ZDHHC13: variants seen among roughly 807,000 people sequenced by gnomAD.
ZDHHC13 encodes the protein palmitoyltransferase ZDHHC13.
In ZDHHC13, 85 loss-of-function variants were observed where a neutral mutation model predicts 86.0. That is an observed-to-expected ratio of 0.99 (90% confidence interval 0.83 to 1.18). ZDHHC13 has a LOEUF of 1.18. ZDHHC13 is among the 50% of genes most tolerant of loss of function. ZDHHC13 has a pLI of 0.00. For synonymous variants in ZDHHC13, 263 were observed against 246.4 expected (o/e 1.07, Z -0.63); for missense variants, 711 against 730.2 (o/e 0.97, Z 0.30).
chr11:19,158,756 TGGG>T (rs910248199), intron 9 of ZDHHC13, among the ~76,000 whole-genome samples, 181 bp from the exon 10 acceptor site: 2 of 152,012 alleles, frequency 1.3e-5, no homozygotes, highest in African/African-American at 4.8e-5. Flanking sequence ...CTGTGTAAAA[TGGG>T]GGGATGATGT....
At chr11:19,142,252 G>C (rs142650679) in intron 1 of ZDHHC13, among the ~76,000 whole-genome samples, 37 of 152,264 alleles carry the variant, frequency 2.4e-4, no homozygotes, top group African/African-American at 8.4e-4. Context: ...TTTCACTCCT[G>C]AAGACTGCCC....
chr11:19,160,905 A>G (rs1029631079), intron 10 of ZDHHC13, among the ~76,000 whole-genome samples: 4 of 151,848 alleles, frequency 2.6e-5, no homozygotes, highest in Admixed American at 2.0e-4. Flanking sequence ...AACAAAAGAG[A>G]ACTGATTTCC....
intron 6 of ZDHHC13, among the ~76,000 whole-genome samples, chr11:19,151,098 C>G (rs1237353323): frequency 6.6e-6 from 1 of 151,842 alleles, no homozygotes. Context: ...GTATTTCTTC[C>G]TTTGGCTTTA....
intron 1 of ZDHHC13, among the ~76,000 whole-genome samples, chr11:19,123,396 A>G (rs1019206266): frequency 1.3e-5 from 2 of 152,020 alleles, no homozygotes; most frequent in African/African-American, 4.8e-5. Context: ...GGAGGCCAAG[A>G]CGGAAGGATA....
chr11:19,166,483 T>A (rs1850073147), intron 14 of ZDHHC13, 98 bp downstream of exon 14: 1 of 915,052 alleles, frequency 1.1e-6, no homozygotes, highest in Non-Finnish European at 1.6e-6. Context: ...TGGGTGACTA[T>A]AAACCATACT....
At chr11:19,141,073 A>T (rs937571351) in intron 1 of ZDHHC13, among the ~76,000 whole-genome samples, 1 of 144,514 alleles carries the variant, frequency 6.9e-6, no homozygotes, top group African/African-American at 2.5e-5. Context: ...GTATAATAAT[A>T]AAAAAAAAAA....
chr11:19,175,844 G>A lies in ZDHHC13; in HGVS notation c.1753G>A (p.Ala585Thr), dbSNP rs201789423. Reference sequence around the variant, plus strand: ...CAGTCTTGGATTCATGCAGAACCTGGCAGATTTCTTTCAGTGTGGCTGCTT... The same window carrying A: ...CAGTCTTGGATTCATGCAGAACCTGACAGATTTCTTTCAGTGTGGCTGCTT... ...PYNLGFMQNL[A>T]DFFQCGCFGL... The change falls in exon 17 of 17, where the codon GCA becomes ACA. Residue 585 changes from alanine (A) to threonine (T), a missense_variant. By Grantham distance (58) the Ala-to-Thr change is moderately conservative. Transcript: ENST00000446113. 30 of 1,613,296 alleles carry A rather than the reference G, an allele frequency of 1.9e-5. No individual in the cohort carries two copies. In the East Asian group the frequency reaches 6.7e-4, roughly 36 times the overall value.
chr11:19,151,210 T>C (rs1183530372), intron 6 of ZDHHC13, among the ~76,000 whole-genome samples: 1 of 152,098 alleles, frequency 6.6e-6, no homozygotes. Context: ...ACATCATTCT[T>C]GACTACTTTG....
intron 1 of ZDHHC13, among the ~76,000 whole-genome samples, chr11:19,126,493 C>T (rs1322788862): frequency 2.0e-5 from 3 of 149,296 alleles, no homozygotes; most frequent in South Asian, 2.1e-4. Flanking sequence ...CATACCACCA[C>T]CCTGGCTAAT....
intron 10 of ZDHHC13, among the ~76,000 whole-genome samples, chr11:19,160,834 A>G (rs1308378300): frequency 2.4e-4 from 37 of 151,878 alleles, no homozygotes; most frequent in Admixed American, 2.4e-3. Context: ...TTTTTGTTTT[A>G]ATCTCAGACT....
chr11:19,141,349 T>C (rs1287673120), intron 1 of ZDHHC13, among the ~76,000 whole-genome samples: 1 of 152,170 alleles, frequency 6.6e-6, no homozygotes, highest in African/African-American at 2.4e-5. Context: ...GTATTTGTGC[T>C]TTTAGGAAAC....
At chr11:19,142,044 A>G (rs928571488) in intron 1 of ZDHHC13, among the ~76,000 whole-genome samples, 2 of 152,100 alleles carry the variant, frequency 1.3e-5, no homozygotes, top group East Asian at 1.9e-4. Context: ...CGTAACACCT[A>G]TTTATTATGT....
intron 1 of ZDHHC13, among the ~76,000 whole-genome samples, chr11:19,129,913 A>G (rs1235713197): frequency 6.6e-6 from 1 of 152,136 alleles, no homozygotes. Context: ...TAACACGGTG[A>G]AACCCTGTCT....
chr11:19,149,115 G>A, intron 4 of ZDHHC13, 72 bp from the exon 5 acceptor site: 1 of 1,295,034 alleles, frequency 7.7e-7, no homozygotes, highest in Non-Finnish European at 1.0e-6. Flanking sequence ...CATGTCTTAG[G>A]AATATCAGTC....
intron 1 of ZDHHC13, among the ~76,000 whole-genome samples, chr11:19,131,685 G>A (rs1157586597): frequency 6.6e-6 from 1 of 151,652 alleles, no homozygotes; most frequent in African/African-American, 2.4e-5. Context: ...TGCCCAGGCT[G>A]GTGTGCAGTG....
At position 19,155,922 on chromosome 11, in the gene ZDHHC13, T is replaced by A; in HGVS notation, c.1000T>A (p.Phe334Ile). The A allele has an allele frequency of 6.2e-7, 1 of 1,606,268 alleles. No individual in the cohort carries two copies. Among genetic ancestry groups the A allele is most frequent in the Non-Finnish European group, 8.5e-7 (1 of 1,178,338 alleles). ...AACACTGTTTTTTCTGACATCTTTGTTTCCAAGGTGTGTATGTTAATTTTT... is the reference window on the plus strand; with the variant it reads ...AACACTGTTTTTTCTGACATCTTTGATTCCAAGGTGTGTATGTTAATTTTT... ...LVTLFFLTSL[F>I]PRFLVGYKNL... The change falls in exon 9 of 17, where the codon TTT becomes ATT. Residue 334 changes from phenylalanine to isoleucine, a missense_variant. Coordinates refer to ENST00000446113, the MANE Select transcript of ZDHHC13 (RefSeq NM_019028.3).
chr11:19,117,210 A>T lies in ZDHHC13; in HGVS notation c.-40A>T. 1 of 1,531,208 alleles carries T rather than the reference A, an allele frequency of 6.5e-7. No individual in the cohort carries two copies. The highest frequency in any genetic ancestry group is 2.5e-5 in the East Asian group (1 of 40,146). The allele number at this position is 1,531,208 out of a possible 1,614,324, so 94.9% of individuals were successfully genotyped here. On this transcript the variant is annotated 5_prime_UTR_variant, in exon 1 of 17. Coordinates refer to ENST00000446113, the MANE Select transcript of ZDHHC13 (RefSeq NM_019028.3). The surrounding 1 kb of genome is among the most constrained non-coding windows in gnomAD (Gnocchi z 4.2). ...GGCTGGCGGGCTGGCGGCAGTCGCT[A>T]CTTGCCTAGTAGCCTCAGCCGCTGT...
At chr11:19,158,220 T>G (rs980983454) in intron 9 of ZDHHC13, among the ~76,000 whole-genome samples, 1 of 152,314 alleles carries the variant, frequency 6.6e-6, no homozygotes, top group African/African-American at 2.4e-5. Context: ...ATCATTGTTT[T>G]TTCCTGGAAT....
chr11:19,161,839 C>T (rs1403924192), intron 10 of ZDHHC13, among the ~76,000 whole-genome samples: 4 of 152,108 alleles, frequency 2.6e-5, no homozygotes, highest in African/African-American at 7.2e-5. Flanking sequence ...GGCGCTGTGA[C>T]TAAATGCTCA....
Sources: allele counts gnomAD v4.1 joint callset (sites outside exome capture counted in the v4.1 genomes callset), GRCh38; gene constraint gnomAD v4.1.1; non-coding constraint Gnocchi (gnomAD v3.1); transcripts MANE v1.5; gene names NCBI Gene and HGNC (gene_info 2026-07-23, HGNC 2026-07-21).